MON2: variants seen among roughly 807,000 people sequenced by gnomAD.
MON2 encodes the protein MON2 regulator of endosome-to-Golgi trafficking, also known as protein MON2 homolog.
A neutral mutation model predicts 208.6 loss-of-function variants in MON2; 84 were observed. The ratio of observed to expected loss-of-function variants is 0.40; its 90% CI spans 0.34 to 0.48. The LOEUF is 0.48. MON2 is among the 20% of genes least tolerant of loss of function. MON2 has a pLI of 0.59. For missense variants in MON2, 1,611 were observed against 2,015.4 expected, an observed-to-expected ratio of 0.80 and a Z score of 3.84; for synonymous variants, 660 against 694.0, an observed-to-expected ratio of 0.95 and a Z score of 0.77.
intron 2 of MON2, among the ~76,000 whole-genome samples, chr12:62,492,066 C>T (rs1233752537): frequency 1.3e-5 from 2 of 152,164 alleles, no homozygotes; most frequent in Non-Finnish European, 2.9e-5. Flanking sequence ...CTGTTCATTG[C>T]CAGTTACATT....
intron 1 of MON2, among the ~76,000 whole-genome samples, chr12:62,479,678 A>G (rs530995077): frequency 2.6e-5 from 4 of 152,310 alleles, no homozygotes; most frequent in Non-Finnish European, 5.9e-5. Flanking sequence ...AGGCTTTGGC[A>G]TTCTTTCCAA....
chr12:62,504,080 G>A (rs925188162), intron 7 of MON2, among the ~76,000 whole-genome samples: 9 of 151,956 alleles, frequency 5.9e-5, no homozygotes, highest in Non-Finnish European at 2.9e-5. Flanking sequence ...TGTTGTATAG[G>A]TGTCTTTAGT....
intron 7 of MON2, among the ~76,000 whole-genome samples, chr12:62,503,983 T>C (rs2070972207): frequency 6.6e-6 from 1 of 152,096 alleles, no homozygotes; most frequent in African/African-American, 2.4e-5. Context: ...TATATGTGTA[T>C]TATATATTAT....
chr12:62,588,866 C>T (rs1258043105), intron 34 of MON2: 3 of 1,475,470 alleles, frequency 2.0e-6, no homozygotes, highest in Non-Finnish European at 1.8e-6. Context: ...CTTGTATCAG[C>T]CTATTTGGAA....
rs919770619 is a variant in MON2 at position 62,586,248 on chromosome 12, C to T, written c.4907+747C>T. ...CAGGAAAGACGAAAATCATTGTTCC[C>T]GTCTCATAAGGTAGGACTGGAGAGG... On this transcript the variant is annotated intron_variant, in intron 33 of 34. Coordinates refer to ENST00000393630, the MANE Select transcript of MON2 (RefSeq NM_015026.3). Among the ~76,000 whole-genome samples the T allele has an allele frequency of 1.4e-4, 21 of 152,220 alleles. No homozygotes were observed. In the East Asian group the frequency reaches 1.7e-3, roughly 13 times the overall value.
intron 33 of MON2, among the ~76,000 whole-genome samples, chr12:62,587,188 A>G (rs190482125): frequency 5.8e-4 from 88 of 152,246 alleles, no homozygotes; most frequent in Admixed American, 2.2e-3. Flanking sequence ...CTTCATTGCT[A>G]ATGTCTCCAA....
intron 5 of MON2, among the ~76,000 whole-genome samples, chr12:62,499,800 G>C (rs779000178): frequency 6.6e-6 from 1 of 151,962 alleles, no homozygotes; most frequent in Non-Finnish European, 1.5e-5. Flanking sequence ...TTGAACCCGA[G>C]AGGCAGAGGT....
At chr12:62,567,651 A>T (rs900154508) in intron 29 of MON2, among the ~76,000 whole-genome samples, 2 of 152,214 alleles carry the variant, frequency 1.3e-5, no homozygotes, top group Non-Finnish European at 1.5e-5. Context: ...TTACCTCACC[A>T]AAACTATCCT....
chr12:62,524,438 A>G lies in MON2; in HGVS notation c.985-77A>G, dbSNP rs1592953062. The G allele has an allele frequency of 4.9e-6, 6 of 1,219,974 alleles. No homozygotes were observed. In the East Asian group the frequency reaches 1.2e-4, roughly 25 times the overall value. The allele number at this position is 1,219,974 out of a possible 1,614,324, so 75.6% of individuals were successfully genotyped here. A position where few individuals can be genotyped will look rare whatever the true frequency, so the allele number is the denominator to read the frequency against. On this transcript the variant is annotated intron_variant, in intron 8 of 34. Coordinates refer to ENST00000393630, the MANE Select transcript of MON2 (RefSeq NM_015026.3). ...ATTTTATTGGTTTGTCCATAGCACTAAGTTAAGAATAAGAACACAGTCTAT... is the reference window on the plus strand; with the variant it reads ...ATTTTATTGGTTTGTCCATAGCACTGAGTTAAGAATAAGAACACAGTCTAT...
chr12:62,587,507 G>T (rs2136494212), intron 33 of MON2, among the ~76,000 whole-genome samples: 1 of 152,022 alleles, frequency 6.6e-6, no homozygotes, highest in South Asian at 2.1e-4. Flanking sequence ...TCACTTGGCA[G>T]GGGGATCACT....
At chr12:62,564,150 T>G (rs985162044) in intron 26 of MON2, among the ~76,000 whole-genome samples, 10 of 152,168 alleles carry the variant, frequency 6.6e-5, no homozygotes, top group African/African-American at 2.4e-4. Context: ...CTACTTTATA[T>G]CTCAGTGCAG....
At chr12:62,531,834 A>G (rs1423110781) in intron 11 of MON2, among the ~76,000 whole-genome samples, 4 of 151,916 alleles carry the variant, frequency 2.6e-5, no homozygotes, top group Non-Finnish European at 4.4e-5. Context: ...CAGCGGCGCA[A>G]TCTCGGCTCA....
intron 8 of MON2, among the ~76,000 whole-genome samples, chr12:62,520,155 T>A (rs562566580): frequency 3.3e-5 from 5 of 152,354 alleles, no homozygotes; most frequent in Admixed American, 1.3e-4. Flanking sequence ...GTTTTTATAC[T>A]GTGTTACAGT....
rs2136530122 is a variant in MON2 at position 62,594,439 on chromosome 12, A to G, written c.*1690A>G. 6.6e-6 allele frequency: 1 copy of G among 152,278 alleles called. No homozygotes were observed. The highest frequency in any genetic ancestry group is 2.1e-4 in the South Asian group (1 of 4,824). 9.4% of individuals were successfully genotyped at this position (152,278 alleles called of 1,614,324 possible). ...AAATTAAGGTAAAATATGGCATTTC[A>G]TAAGTTCTGCTTTCAGCATTTTCCT... On this transcript the variant is annotated 3_prime_UTR_variant, in exon 35 of 35. Transcript: ENST00000393630.
chr12:62,581,841 A>G (rs902429070), intron 32 of MON2, among the ~76,000 whole-genome samples: 1 of 152,214 alleles, frequency 6.6e-6, no homozygotes, highest in African/African-American at 2.4e-5. Flanking sequence ...AACAAAAAAG[A>G]AAAAAGAAAC....
intron 30 of MON2, among the ~76,000 whole-genome samples, chr12:62,577,276 T>C (rs1027881433): frequency 1.3e-5 from 2 of 152,048 alleles, no homozygotes; most frequent in Admixed American, 1.3e-4. Context: ...AATTTATAGT[T>C]AGCTTAGGAC....
At chr12:62,545,247 G>A (rs993967572) in intron 21 of MON2, among the ~76,000 whole-genome samples, 7 of 151,766 alleles carry the variant, frequency 4.6e-5, no homozygotes, top group African/African-American at 1.7e-4. Context: ...CCTGGAATTG[G>A]TCTCACGTTC....
chr12:62,534,944 GT>G lies in MON2; in HGVS notation c.1715+22del. On this transcript the variant is annotated intron_variant, in intron 13 of 34. Transcript: ENST00000393630. ...GATGCCAGGTATTAAGTCTTTGTAA[GT>G]TTTATATTGAACTGTGTCAGTTAAA... The G allele has an allele frequency of 6.5e-7, 1 of 1,540,462 alleles. No individual in the cohort carries two copies. Among genetic ancestry groups the G allele is most frequent in the South Asian group, 1.1e-5 (1 of 88,380 alleles).
intron 8 of MON2, among the ~76,000 whole-genome samples, chr12:62,512,635 A>G (rs1303934193): frequency 6.6e-6 from 1 of 152,138 alleles, no homozygotes; most frequent in Non-Finnish European, 1.5e-5. Flanking sequence ...TTCCAGGTGC[A>G]TGGTGCAAGC....
Sources: allele counts gnomAD v4.1 joint callset (sites outside exome capture counted in the v4.1 genomes callset), GRCh38; gene constraint gnomAD v4.1.1; transcripts MANE v1.5; gene names NCBI Gene and HGNC (gene_info 2026-07-23, HGNC 2026-07-21).